PDZD2: variants seen among roughly 807,000 people sequenced by gnomAD.
The protein encoded by PDZD2 is PDZ domain-containing protein 2.
In PDZD2, 90 loss-of-function variants were observed where a neutral mutation model predicts 220.7. The observed-to-expected ratio is 0.41, with a 90% confidence interval of 0.34 to 0.49. PDZD2 has a LOEUF of 0.49. PDZD2 is among the 20% of genes least tolerant of loss of function. The pLI is 0.28. For synonymous variants in PDZD2, 1,375 were observed against 1,450.5 expected, an observed-to-expected ratio of 0.95 and a Z score of 1.18; for missense variants, 3,174 against 3,608.5, an observed-to-expected ratio of 0.88 and a Z score of 3.08.
intron 2 of PDZD2, among the ~76,000 whole-genome samples, chr5:31,853,872 T>C (rs538433445): frequency 9.9e-5 from 15 of 152,198 alleles, no homozygotes; most frequent in African/African-American, 3.1e-4. Flanking sequence ...GTGAGTTTGT[T>C]TGCACTGAGA....
rs147932225 is a variant in PDZD2, at chr5:32,037,304, A to G, written c.1481A>G (p.Gln494Arg). The G allele has an allele frequency of 1.9e-5, 31 of 1,613,176 alleles. No homozygotes were observed. Among genetic ancestry groups the G allele is most frequent in the Non-Finnish European group, 2.5e-5 (30 of 1,179,244 alleles). ...AAGGGGAACTTGGAAAGTCCCAAAC[A>G]GGGCAGCAATAAAATCAAGCTCAAG... ...ESKGNLESPK[Q>R]GSNKIKLKSR... is the part of the protein sequence containing the mutation. Residue 494 changes from glutamine to arginine, a missense_variant, in exon 7 of 25, where the codon CAG (glutamine) becomes CGG (arginine). Physicochemically the swap from Gln to Arg is conservative, Grantham distance 43. Coordinates refer to ENST00000438447, the MANE Select transcript of PDZD2 (RefSeq NM_178140.4).
chr5:31,840,429 TATATATATATATATATATA>T, intron 2 of PDZD2: 1 of 104,054 alleles, frequency 9.6e-6, no homozygotes, highest in Non-Finnish European at 1.8e-5. Context: ...TATATATATA[TATATATATATATATATATA>T]TTTGTTTATA....
At chr5:31,811,004 C>T (rs1755078370) in intron 2 of PDZD2, among the ~76,000 whole-genome samples, 1 of 152,058 alleles carries the variant, frequency 6.6e-6, no homozygotes, top group South Asian at 2.1e-4. Flanking sequence ...TTTTTTGAGA[C>T]AGAGTCTCGC....
chr5:32,072,747 G>T (rs1740879132), intron 17 of PDZD2, among the ~76,000 whole-genome samples: 1 of 152,190 alleles, frequency 6.6e-6, no homozygotes, highest in Non-Finnish European at 1.5e-5. Context: ...CACTGTTAGT[G>T]ACTGGCCACT....
chr5:31,784,322 A>T (rs1179533391), intron 1 of PDZD2, among the ~76,000 whole-genome samples: 1 of 152,164 alleles, frequency 6.6e-6, no homozygotes, highest in Non-Finnish European at 1.5e-5. Context: ...ACTTAGACAT[A>T]AGGAAGTCAA....
intron 2 of PDZD2, among the ~76,000 whole-genome samples, chr5:31,872,167 G>GTGTGTGTGTGTGTGTGTA (rs1250843405): frequency 3.4e-5 from 5 of 148,974 alleles, no homozygotes; most frequent in Non-Finnish European, 5.9e-5. Flanking sequence ...GTGTGTGTGT[G>GTGTGTGTGTGTGTGTGTA]TGTAACCAGC....
chr5:32,073,555 T>G (rs1419464291), intron 17 of PDZD2, among the ~76,000 whole-genome samples: 1 of 149,540 alleles, frequency 6.7e-6, no homozygotes, highest in African/African-American at 2.5e-5. Context: ...AGTTTCTGTC[T>G]TCCAACAGCA....
At chr5:31,993,251 G>A (rs1371967876) in intron 3 of PDZD2, among the ~76,000 whole-genome samples, 1 of 152,202 alleles carries the variant, frequency 6.6e-6, no homozygotes, top group East Asian at 1.9e-4. Context: ...ATGAACTACT[G>A]TGGTAAGCCA....
intron 6 of PDZD2, among the ~76,000 whole-genome samples, chr5:32,026,631 T>C (rs1561384310): frequency 1.3e-5 from 2 of 152,142 alleles, no homozygotes; most frequent in African/African-American, 4.8e-5. Context: ...CAGAAATACA[T>C]CCAATGCAAT....
chr5:31,825,505 C>G (rs1368837967), intron 2 of PDZD2, among the ~76,000 whole-genome samples: 1 of 152,162 alleles, frequency 6.6e-6, no homozygotes, highest in African/African-American at 2.4e-5. Context: ...AAGCCCTAGC[C>G]AAAGAAAGGC....
At chr5:31,831,775 G>A (rs187525443) in intron 2 of PDZD2, among the ~76,000 whole-genome samples, 110 of 150,542 alleles carry the variant, frequency 7.3e-4, no homozygotes, top group African/African-American at 2.6e-3. Flanking sequence ...TTAGCTGGGC[G>A]TGGTGGCGCT....
intron 2 of PDZD2, among the ~76,000 whole-genome samples, chr5:31,850,090 A>ATATATGTGTATATATAAG (rs1426360884): frequency 7.2e-6 from 1 of 139,080 alleles, no homozygotes; most frequent in Non-Finnish European, 1.6e-5. Flanking sequence ...ATATAAGTAT[A>ATATATGTGTATATATAAG]TATACGTGTA....
chr5:31,892,895 C>T (rs1054735620), intron 2 of PDZD2, among the ~76,000 whole-genome samples: 1 of 152,138 alleles, frequency 6.6e-6, no homozygotes, highest in African/African-American at 2.4e-5. Context: ...ATGGAGCTCA[C>T]AGCCTGACGG....
chr5:31,775,684 T>TGTGTGTGTGTGTGTGTGTGA (rs1752603232), intron 1 of PDZD2, among the ~76,000 whole-genome samples: 2 of 151,192 alleles, frequency 1.3e-5, no homozygotes, highest in African/African-American at 4.9e-5. Context: ...TGTGTGTGTG[T>TGTGTGTGTGTGTGTGTGTGA]GTGTGTGTGT....
intron 6 of PDZD2, among the ~76,000 whole-genome samples, chr5:32,015,085 G>A (rs973364399): frequency 4.0e-5 from 6 of 151,848 alleles, no homozygotes; most frequent in Admixed American, 1.3e-4. Context: ...GGCACTACAG[G>A]CACCCGCCAC....
intron 12 of PDZD2, among the ~76,000 whole-genome samples, chr5:32,058,825 T>C (rs1318695074): frequency 6.6e-6 from 1 of 152,252 alleles, no homozygotes; most frequent in Non-Finnish European, 1.5e-5. Context: ...TCATCCCTGT[T>C]TCTTTTTCCT....
At chr5:31,850,663 G>T (rs1191490804) in intron 2 of PDZD2, among the ~76,000 whole-genome samples, 4 of 141,020 alleles carry the variant, frequency 2.8e-5, no homozygotes, top group South Asian at 2.3e-4. Context: ...TTGAGACGGA[G>T]TCTTGCTCTT....
intron 2 of PDZD2, among the ~76,000 whole-genome samples, chr5:31,827,421 G>A (rs953846949): frequency 2.6e-5 from 4 of 152,088 alleles, no homozygotes; most frequent in African/African-American, 9.7e-5. Flanking sequence ...GGCTGGGTGT[G>A]GTGGCTCATG....
At chr5:32,100,516 G>A (rs1216486637) in intron 23 of PDZD2, 6 of 302,018 alleles carry the variant, frequency 2.0e-5, no homozygotes, top group Non-Finnish European at 3.9e-5. Flanking sequence ...GAGGCAGCGA[G>A]TGTGTTTGTG....
Sources: gnomAD v4.1 joint callset for allele counts (sites outside exome capture counted in the v4.1 genomes callset) on GRCh38, gnomAD v4.1.1 for gene constraint, MANE v1.5 for transcripts, NCBI Gene and HGNC (gene_info 2026-07-23, HGNC 2026-07-21) for gene names.